TM7SF3: variants seen among roughly 807,000 people sequenced by gnomAD.
TM7SF3 encodes transmembrane 7 superfamily member 3.
TM7SF3 carries 60 observed loss-of-function variants against 65.5 expected under a neutral mutation model. The observed-to-expected ratio is 0.92, with a 90% confidence interval of 0.74 to 1.14. TM7SF3 has a LOEUF of 1.14. TM7SF3 is among the 50% of genes most tolerant of loss of function. TM7SF3 has a pLI of 0.00. For synonymous variants in TM7SF3, 264 were observed against 259.6 expected (o/e 1.02, Z -0.16); for missense variants, 623 against 684.8 (o/e 0.91, Z 1.01).
intron 5 of TM7SF3, among the ~76,000 whole-genome samples, chr12:26,991,141 CTTTTTTTTTTTT>C (rs35362439): frequency 1.0e-3 from 109 of 107,484 alleles, no homozygotes; most frequent in Non-Finnish European, 1.5e-3. Flanking sequence ...AGTAGTAGTT[CTTTTTTTTTTTT>C]TTTTTTTTTT....
Position 26,988,543 on chromosome 12 carries a change from T to C in TM7SF3, c.868+1907A>G, listed in dbSNP as rs570336833. Among the ~76,000 whole-genome samples the C allele has an allele frequency of 1.2e-3, 180 of 152,304 alleles. 3 individuals are homozygous for C. Among genetic ancestry groups the C allele is most frequent in the Non-Finnish European group, 3.2e-4 (22 of 68,032 alleles). On this transcript the variant is annotated intron_variant, in intron 6 of 11. Coordinates refer to ENST00000343028, the MANE Select transcript of TM7SF3 (RefSeq NM_016551.3). ...GCTAACGTGTGAATTAAATAACTAC[T>C]GTATCAGTGTTAGCTTCGTAATTTT...
intron 10 of TM7SF3, 42 bp downstream of exon 10, chr12:26,976,218 G>C (rs1592268953): frequency 2.1e-6 from 3 of 1,407,912 alleles, no homozygotes; most frequent in African/African-American, 2.8e-5. Context: ...GAACACACAG[G>C]ATAACATAAT....
At chr12:26,981,650 A>G (rs1038631261) in intron 7 of TM7SF3, among the ~76,000 whole-genome samples, 1 of 152,236 alleles carries the variant, frequency 6.6e-6, no homozygotes, top group Non-Finnish European at 1.5e-5. Context: ...AAAAAGTGTC[A>G]TAATAGCAGG....
At position 26,979,783 on chromosome 12, in the gene TM7SF3, C is replaced by T. The variant is rs1457007135; in HGVS notation, c.1189+1G>A. 6.2e-7 allele frequency: 1 copy of T among 1,613,916 alleles called. No homozygotes were observed. The highest frequency in any genetic ancestry group is 1.1e-5 in the South Asian group (1 of 91,044). ...CAAAACATCTGTTACATATCGCCTA[C>T]CCAGTGGAGTAAAGAAAGTCACTGA... On this transcript the variant is annotated splice_donor_variant, in intron 9 of 11. Coordinates refer to ENST00000343028, the MANE Select transcript of TM7SF3 (RefSeq NM_016551.3). LOFTEE classifies it high-confidence loss of function.
At position 26,973,807 on chromosome 12, in the gene TM7SF3, C is replaced by G; in HGVS notation, c.*158G>C. On this transcript the variant is annotated 3_prime_UTR_variant, in exon 12 of 12. Transcript: ENST00000343028. ...CATTCTCTTACAATCATCCTAATCC[C>G]CTAGTACACCCTTACCATATATCAA... is the stretch of plus-strand genomic sequence containing the variant. 1 of 913,982 alleles carries G rather than the reference C, an allele frequency of 1.1e-6. No homozygotes were observed. The highest frequency in any genetic ancestry group is 2.0e-5 in the South Asian group (1 of 50,488). 56.6% of individuals were successfully genotyped at this position (913,982 alleles called of 1,614,324 possible).
chr12:27,006,784 G>A (rs1941054614), intron 1 of TM7SF3, among the ~76,000 whole-genome samples: 1 of 152,188 alleles, frequency 6.6e-6, no homozygotes, highest in Admixed American at 6.5e-5. Context: ...CACAGATAAT[G>A]CTAGCTTTAC....
chr12:26,981,724 A>T (rs1474195649), intron 7 of TM7SF3, among the ~76,000 whole-genome samples: 1 of 152,242 alleles, frequency 6.6e-6, no homozygotes, highest in Non-Finnish European at 1.5e-5. Context: ...TCAGGATTAC[A>T]TTTGAGCTAC....
chr12:26,989,427 A>C (rs1940245030), intron 6 of TM7SF3, among the ~76,000 whole-genome samples: 1 of 152,126 alleles, frequency 6.6e-6, no homozygotes, highest in Non-Finnish European at 1.5e-5. Flanking sequence ...ACAGGAGTGA[A>C]ACTATGTCTC....
In TM7SF3 at chr12:26,973,694, T is replaced by C. The variant is rs1419525950; in HGVS notation, c.*271A>G. 1 of 363,576 alleles carries C rather than the reference T, an allele frequency of 2.8e-6. No homozygotes were observed. Among genetic ancestry groups the C allele is most frequent in the Non-Finnish European group, 4.9e-6 (1 of 203,292 alleles). 22.5% of individuals were successfully genotyped at this position (363,576 alleles called of 1,614,324 possible). ...GTATCTATTTAATGGAATAAGTTGA[T>C]CATAGATTTGTAAACCAAAAGGTAA... On this transcript the variant is annotated 3_prime_UTR_variant, in exon 12 of 12. Transcript: ENST00000343028.
chr12:26,976,497 T>C lies in TM7SF3; in HGVS notation c.1190-140A>G, dbSNP rs972764480. 1.4e-5 allele frequency: 9 copies of C among 630,580 alleles called. No individual in the cohort carries two copies. The African/African-American group carries it at 1.7e-4, about 12-fold the overall frequency. The allele number at this position is 630,580 out of a possible 1,614,324, so 39.1% of individuals were successfully genotyped here. ...TATGTTGGCAACTAGAAATGAATTC[T>C]AATTTTCTTCATTTAACTGTCAATA... is the stretch of plus-strand genomic sequence containing the variant. On this transcript the variant is annotated intron_variant, in intron 9 of 11. Coordinates refer to ENST00000343028, the MANE Select transcript of TM7SF3 (RefSeq NM_016551.3).
At chr12:26,996,903 A>G (rs1195325764) in intron 3 of TM7SF3, 41 bp from the exon 4 acceptor site, 31 of 1,571,614 alleles carry the variant, frequency 2.0e-5, no homozygotes, top group Middle Eastern at 1.9e-4. Flanking sequence ...AACAATTCCT[A>G]CATATCCAAA....
chr12:27,006,956 A>C (rs963801865), intron 1 of TM7SF3, among the ~76,000 whole-genome samples: 3 of 152,226 alleles, frequency 2.0e-5, no homozygotes, highest in African/African-American at 7.2e-5. Context: ...CAGAAAGCGT[A>C]TGTGTCAGGC....
chr12:26,985,506 T>A (rs1940008066), intron 6 of TM7SF3, among the ~76,000 whole-genome samples: 1 of 150,038 alleles, frequency 6.7e-6, no homozygotes, highest in African/African-American at 2.5e-5. Context: ...ACGCCTATAA[T>A]CCCAGATACT....
chr12:27,005,456 T>C (rs1203765549), intron 1 of TM7SF3, among the ~76,000 whole-genome samples: 1 of 152,238 alleles, frequency 6.6e-6, no homozygotes, highest in Non-Finnish European at 1.5e-5. Context: ...CACTTAAATT[T>C]GCCCTTTGAT....
chr12:27,000,434 A>T (rs1240651978), intron 2 of TM7SF3, among the ~76,000 whole-genome samples: 2 of 152,132 alleles, frequency 1.3e-5, no homozygotes, highest in African/African-American at 4.8e-5. Context: ...GTTATAACTG[A>T]CAAACTATAA....
chr12:26,980,183 T>C, intron 8 of TM7SF3: 2 of 576,122 alleles, frequency 3.5e-6, no homozygotes, highest in South Asian at 2.2e-5. Context: ...TGTCAATAAA[T>C]TGGGATTGAG....
rs113677104 is a variant in TM7SF3, at chr12:26,974,300, T to G, written c.1451-73A>C. ...TCTAACATAATAATACAACCCTTCA[T>G]GGACTAAATCTGTATATTCCTTTCT... On this transcript the variant is annotated intron_variant, in intron 11 of 11. Coordinates refer to ENST00000343028, the MANE Select transcript of TM7SF3 (RefSeq NM_016551.3). The G allele has an allele frequency of 1.2e-5, 17 of 1,470,740 alleles. 1 individual carries two copies. The African/African-American group carries it at 1.8e-4, about 16-fold the overall frequency. The allele number at this position is 1,470,740 out of a possible 1,614,324, so 91.1% of individuals were successfully genotyped here.
At chr12:26,999,434 C>A in intron 3 of TM7SF3, 92 bp downstream of exon 3, 1 of 1,343,200 alleles carries the variant, frequency 7.4e-7, no homozygotes, top group Middle Eastern at 2.5e-4. Flanking sequence ...ATACTTGCAA[C>A]AAACAATCTC....
At chr12:27,005,957 G>A (rs747922819) in intron 1 of TM7SF3, among the ~76,000 whole-genome samples, 4 of 149,412 alleles carry the variant, frequency 2.7e-5, no homozygotes, top group Non-Finnish European at 4.4e-5. Context: ...GTGCCACCAC[G>A]CCTGGCTAAT....
Sources: allele counts gnomAD v4.1 joint callset (sites outside exome capture counted in the v4.1 genomes callset), GRCh38; gene constraint gnomAD v4.1.1; transcripts MANE v1.5; gene names NCBI Gene and HGNC (gene_info 2026-07-23, HGNC 2026-07-21).